FSTL5: variants seen among roughly 807,000 people sequenced by gnomAD.
FSTL5 encodes follistatin like 5, also known as follistatin-related protein 5.
In FSTL5, 62 loss-of-function variants were observed where a neutral mutation model predicts 89.1. That is an observed-to-expected ratio of 0.70 (90% confidence interval 0.57 to 0.86). The LOEUF is 0.86. Among genes scored for constraint, FSTL5 ranks in the 40% least tolerant of loss-of-function variants. The pLI, the probability that FSTL5 is intolerant of heterozygous loss-of-function variation, is 0.00. For missense variants in FSTL5, 1,057 were observed against 1,001.6 expected (o/e 1.06, Z -0.75); for synonymous variants, 383 against 346.2 (o/e 1.11, Z -1.18).
intron 2 of FSTL5, among the ~76,000 whole-genome samples, chr4:162,034,257 A>G (rs1334825670): frequency 6.6e-6 from 1 of 152,190 alleles, no homozygotes; most frequent in African/African-American, 2.4e-5. Context: ...AGGCCATTCC[A>G]TTTAATTCTA....
At chr4:161,442,285 AAAT>A (rs1732800234) in intron 15 of FSTL5, among the ~76,000 whole-genome samples, 1 of 152,088 alleles carries the variant, frequency 6.6e-6, no homozygotes, top group Non-Finnish European at 1.5e-5. Flanking sequence ...CATTTATAGA[AAAT>A]GTGAATTTCT....
At chr4:161,919,074 G>A (rs191231758) in intron 4 of FSTL5, among the ~76,000 whole-genome samples, 1 of 152,100 alleles carries the variant, frequency 6.6e-6, no homozygotes, top group East Asian at 1.9e-4. Flanking sequence ...ATTTCATAGT[G>A]TCAAGTATCA....
At chr4:161,862,676 G>A (rs868159220) in intron 4 of FSTL5, among the ~76,000 whole-genome samples, 2 of 152,054 alleles carry the variant, frequency 1.3e-5, no homozygotes, top group South Asian at 4.1e-4. Flanking sequence ...AGGTTGCAGT[G>A]AGCCGAGACC....
chr4:161,909,824 T>C (rs1376871632), intron 4 of FSTL5, among the ~76,000 whole-genome samples: 2 of 152,106 alleles, frequency 1.3e-5, no homozygotes, highest in Non-Finnish European at 2.9e-5. Context: ...CTTGCCCTGT[T>C]CCTCTTGCCG....
intron 15 of FSTL5, among the ~76,000 whole-genome samples, chr4:161,397,512 A>G (rs1731044697): frequency 6.6e-6 from 1 of 151,546 alleles, no homozygotes; most frequent in South Asian, 2.1e-4. Context: ...TTAATATTAA[A>G]CACATGTATA....
chr4:161,941,078 T>C (rs1734568299), intron 3 of FSTL5, among the ~76,000 whole-genome samples: 1 of 151,902 alleles, frequency 6.6e-6, no homozygotes, highest in Admixed American at 6.6e-5. Context: ...GCTATGATGA[T>C]ACTAATTCAA....
chr4:161,419,708 T>G (rs963024752), intron 15 of FSTL5, among the ~76,000 whole-genome samples: 2 of 152,180 alleles, frequency 1.3e-5, no homozygotes, highest in East Asian at 3.9e-4. Flanking sequence ...GCCCTGTCTC[T>G]CCAAACTCAT....
At position 161,587,493 on chromosome 4, in the gene FSTL5, T is replaced by C. The variant is rs144353284; in HGVS notation, c.977A>G (p.Tyr326Cys). 491 of 1,613,202 alleles carry C rather than the reference T, an allele frequency of 3.0e-4. 1 individual carries two copies. Among genetic ancestry groups the C allele is most frequent in the Non-Finnish European group, 3.6e-4 (430 of 1,179,430 alleles). ...VGNYTCYADG[Y>C]EQVYQTHIFQ... ...GATGTGAGTCTGATAGACTTGTTCATAGCCATCTGCATAGCAGGTGTAATT... is the reference window on the plus strand; with the variant it reads ...GATGTGAGTCTGATAGACTTGTTCACAGCCATCTGCATAGCAGGTGTAATT... Residue 326 changes from tyrosine (Y) to cysteine (C), a missense_variant, in exon 8 of 16, where the codon TAT becomes TGT. This residue lies in a region of FSTL5 where 980 missense variants were observed against 903.2 expected (regional missense o/e 1.08). Coordinates refer to ENST00000306100, the MANE Select transcript of FSTL5 (RefSeq NM_020116.5).
chr4:161,427,363 C>T (rs965712091), intron 15 of FSTL5, among the ~76,000 whole-genome samples: 1 of 152,132 alleles, frequency 6.6e-6, no homozygotes, highest in Non-Finnish European at 1.5e-5. Flanking sequence ...TGTGAAATGA[C>T]CTTGTTTTTC....
chr4:161,713,643 C>CA (rs1738874679), intron 6 of FSTL5, among the ~76,000 whole-genome samples: 1 of 152,054 alleles, frequency 6.6e-6, no homozygotes, highest in South Asian at 2.1e-4. Context: ...ATTATCCATT[C>CA]AAAATCACAC....
At chr4:161,691,798 T>C (rs1737952622) in intron 6 of FSTL5, among the ~76,000 whole-genome samples, 1 of 152,176 alleles carries the variant, frequency 6.6e-6, no homozygotes, top group African/African-American at 2.4e-5. Context: ...TGGAATTCTC[T>C]TATTTCCTTT....
chr4:162,147,141 T>C (rs988543222), intron 1 of FSTL5, among the ~76,000 whole-genome samples: 3 of 152,150 alleles, frequency 2.0e-5, no homozygotes, highest in Non-Finnish European at 4.4e-5. Flanking sequence ...TTAGTTATCC[T>C]GTTTCTCTAG....
intron 8 of FSTL5, among the ~76,000 whole-genome samples, chr4:161,553,857 A>C (rs1318844109): frequency 6.6e-6 from 1 of 151,588 alleles, no homozygotes; most frequent in Non-Finnish European, 1.5e-5. Context: ...AATATATGTA[A>C]CTTTTCAAGG....
At chr4:162,133,108 G>A (rs561400588) in intron 1 of FSTL5, among the ~76,000 whole-genome samples, 2 of 152,216 alleles carry the variant, frequency 1.3e-5, no homozygotes, top group African/African-American at 2.4e-5. Context: ...CGCCATGCCT[G>A]GCTAATATTT....
intron 7 of FSTL5, among the ~76,000 whole-genome samples, chr4:161,593,898 A>G (rs984208021): frequency 1.3e-5 from 2 of 152,152 alleles, no homozygotes; most frequent in African/African-American, 2.4e-5. Flanking sequence ...CATTAAAAAC[A>G]GGGCTCATAC....
intron 4 of FSTL5, among the ~76,000 whole-genome samples, chr4:161,788,439 T>G (rs570547092): frequency 6.6e-6 from 1 of 152,198 alleles, no homozygotes; most frequent in Admixed American, 6.5e-5. Context: ...CCTCTGATAG[T>G]TGTTCCACTA....
At chr4:161,938,802 T>C (rs985285469) in intron 3 of FSTL5, among the ~76,000 whole-genome samples, 2 of 152,074 alleles carry the variant, frequency 1.3e-5, no homozygotes, top group Non-Finnish European at 2.9e-5. Context: ...TTCTTATGAA[T>C]AAGCATTGTC....
intron 7 of FSTL5, among the ~76,000 whole-genome samples, chr4:161,644,725 G>A (rs556483426): frequency 3.3e-5 from 5 of 152,090 alleles, no homozygotes; most frequent in Non-Finnish European, 2.9e-5. Context: ...TAAAGGGAAA[G>A]TGAAATGGTC....
At chr4:162,050,486 T>C (rs969944135) in intron 2 of FSTL5, among the ~76,000 whole-genome samples, 2 of 150,266 alleles carry the variant, frequency 1.3e-5, no homozygotes, top group Non-Finnish European at 3.0e-5. Context: ...TTCTGAACTA[T>C]TTCTATTTAA....
Sources: allele counts gnomAD v4.1 joint callset (sites outside exome capture counted in the v4.1 genomes callset), GRCh38; gene constraint gnomAD v4.1.1; regional missense constraint gnomAD v4.1.1; transcripts MANE v1.5; gene names NCBI Gene and HGNC (gene_info 2026-07-23, HGNC 2026-07-21).